P4HB: variants seen among roughly 807,000 people sequenced by gnomAD.
P4HB encodes protein disulfide-isomerase.
In P4HB, 20 loss-of-function variants were observed where a neutral mutation model predicts 52.6. The observed-to-expected ratio is 0.38, with a 90% CI of 0.27 to 0.55. The LOEUF is 0.55. P4HB is among the 20% of genes least tolerant of loss of function. The pLI is 0.74. For missense variants in P4HB, 601 were observed against 669.2 expected, an observed-to-expected ratio of 0.90 and a Z score of 1.12; for synonymous variants, 296 against 277.9, an observed-to-expected ratio of 1.07 and a Z score of -0.65.
chr17:81,845,135 C>T lies in P4HB; in HGVS notation c.1446+9G>A. ...CCAGAGACCAGCCCAGGGCTGTGAC[C>T]CCACTCACGTCATCATCCCCTGCCC... On this transcript the variant is annotated intron_variant, in intron 10 of 10. Coordinates refer to ENST00000331483, the MANE Select transcript of P4HB (RefSeq NM_000918.4). 1.2e-6 allele frequency: 2 copies of T among 1,605,764 alleles called. No homozygotes were observed. Among genetic ancestry groups the T allele is most frequent in the Non-Finnish European group, 1.7e-6 (2 of 1,173,008 alleles).
chr17:81,855,487 TCCA>T lies in P4HB; in HGVS notation c.449_451del (p.Val150del). 1 of 1,613,772 alleles carries T rather than the reference TCCA, an allele frequency of 6.2e-7. No homozygotes were observed. Among genetic ancestry groups the T allele is most frequent in the Non-Finnish European group, 8.5e-7 (1 of 1,179,892 alleles). ...GCCGATGACAGCCACCTCGCTGGAC[TCCA>T]CCAAGGACTCTGCAGCTGCGCCGTC... On this transcript the variant is annotated inframe_deletion, in exon 3 of 11. Transcript: ENST00000331483. This position sits in a 1 kb window ranked among gnomAD's most constrained non-coding sequence, Gnocchi z 4.3.
At chr17:81,854,607 G>A (rs1383838136) in intron 4 of P4HB, among the ~76,000 whole-genome samples, 1 of 151,926 alleles carries the variant, frequency 6.6e-6, no homozygotes, top group Admixed American at 6.6e-5. Context: ...AGCACTTTGG[G>A]AGGCTGAGGT....
chr17:81,860,258 C>A, intron 1 of P4HB, 69 bp downstream of exon 1: 1 of 1,257,576 alleles, frequency 8.0e-7, no homozygotes, highest in East Asian at 3.2e-5. Flanking sequence ...GCTGCCGGGC[C>A]GTGCCTGCGT....
rs201618550 is a variant in P4HB, at chr17:81,843,417, G to A, written c.*595C>T. ...AGGCCCAGGCCTGTGCCGGGCCCCAGGGCTGGCAGCCACCAGCTCCTCTTC... is the reference window on the plus strand; with the variant it reads ...AGGCCCAGGCCTGTGCCGGGCCCCAAGGCTGGCAGCCACCAGCTCCTCTTC... On this transcript the variant is annotated 3_prime_UTR_variant, in exon 11 of 11. Transcript: ENST00000331483. 2.5e-6 allele frequency: 1 copy of A among 400,136 alleles called. No individual in the cohort carries two copies. Among genetic ancestry groups the A allele is most frequent in the East Asian group, 3.6e-5 (1 of 28,060 alleles). The allele number at this position is 400,136 out of a possible 1,614,324, so 24.8% of individuals were successfully genotyped here.
At position 81,860,308 on chromosome 17, in the gene P4HB, C is replaced by A; in HGVS notation, c.145+19G>T. The A allele has an allele frequency of 7.0e-7, 1 of 1,436,258 alleles. No individual in the cohort carries two copies. The highest frequency in any genetic ancestry group is 9.2e-7 in the Non-Finnish European group (1 of 1,091,222). 89.0% of individuals were successfully genotyped at this position (1,436,258 alleles called of 1,614,324 possible). On this transcript the variant is annotated intron_variant, in intron 1 of 10. Transcript: ENST00000331483. ...TCAGCGGCCCCGAGCCCCGCCCGCCCGCCAGGCCCGGCGCTCACAGAACTC... is the reference window on the plus strand; with the variant it reads ...TCAGCGGCCCCGAGCCCCGCCCGCCAGCCAGGCCCGGCGCTCACAGAACTC...
chr17:81,845,067 C>T (rs940979872), intron 10 of P4HB, 77 bp downstream of exon 10: 11 of 1,222,230 alleles, frequency 9.0e-6, no homozygotes, highest in South Asian at 3.8e-5. Context: ...CATCACAAGC[C>T]GAGCCCAAGT....
chr17:81,855,889 A>C lies in P4HB; in HGVS notation c.353-303T>G. ...TCTCTGCATTTTCTTTTTTCTTTTG[A>C]CACAGGGGCTCACTCTGTTACCCAG... On this transcript the variant is annotated intron_variant, in intron 2 of 10. Coordinates refer to ENST00000331483, the MANE Select transcript of P4HB (RefSeq NM_000918.4). This position sits in a 1 kb window ranked among gnomAD's most constrained non-coding sequence, Gnocchi z 4.3. 3.2e-6 allele frequency: 1 copy of C among 310,316 alleles called. No homozygotes were observed. Among genetic ancestry groups the C allele is most frequent in the South Asian group, 6.0e-5 (1 of 16,686 alleles). 19.2% of individuals were successfully genotyped at this position (310,316 alleles called of 1,614,324 possible). A position where few individuals can be genotyped will look rare whatever the true frequency, so the allele number is the denominator to read the frequency against.
At chr17:81,850,667 G>C (rs763983140) in intron 4 of P4HB, among the ~76,000 whole-genome samples, 11 of 149,608 alleles carry the variant, frequency 7.4e-5, no homozygotes, top group Non-Finnish European at 1.3e-4. Flanking sequence ...ATTTTTATTA[G>C]AGATGGGGTT....
In P4HB at chr17:81,843,199, A is replaced by C. The variant is rs1284427644; in HGVS notation, c.*813T>G. ...CAACTTTATTTGGCCAATGTGTTCA[A>C]TTCGATTGTGAAATAGAAATGCCTG... On this transcript the variant is annotated 3_prime_UTR_variant, in exon 11 of 11. Transcript: ENST00000331483. The C allele has an allele frequency of 3.4e-6, 1 of 296,342 alleles. No individual in the cohort carries two copies. The highest frequency in any genetic ancestry group is 2.2e-5 in the African/African-American group (1 of 46,328). 18.4% of individuals were successfully genotyped at this position (296,342 alleles called of 1,614,324 possible).
At chr17:81,849,882 C>G (rs2038801329) in intron 4 of P4HB, among the ~76,000 whole-genome samples, 1 of 152,036 alleles carries the variant, frequency 6.6e-6, no homozygotes, top group Admixed American at 6.6e-5. Context: ...GGCTGGAGTG[C>G]AATGGCATGA....
At chr17:81,856,670 C>T (rs1192667906) in intron 2 of P4HB, among the ~76,000 whole-genome samples, 4 of 133,776 alleles carry the variant, frequency 3.0e-5, no homozygotes, top group East Asian at 2.2e-4. Context: ...TTTTTTGAGA[C>T]GGAATCTACC....
chr17:81,851,032 G>A (rs1018043894), intron 4 of P4HB, among the ~76,000 whole-genome samples: 10 of 151,932 alleles, frequency 6.6e-5, no homozygotes, highest in East Asian at 1.9e-4. Context: ...CTGAGTTCAC[G>A]CCATTCTCCT....
chr17:81,860,196 G>A, intron 1 of P4HB, 131 bp downstream of exon 1: 2 of 739,246 alleles, frequency 2.7e-6, no homozygotes, highest in East Asian at 3.5e-5. Flanking sequence ...CCCAAGGCGG[G>A]CAGCAAGGGA....
rs201171314 is a variant in P4HB, at chr17:81,846,660, G to A, written c.856-31C>T. On this transcript the variant is annotated intron_variant, in intron 6 of 10. Transcript: ENST00000331483. This position sits in a 1 kb window ranked among gnomAD's most constrained non-coding sequence, Gnocchi z 5.7. The stretch of plus-strand genomic sequence containing the variant: ...GGAGAAAAGGAGGTTGCACAGGTGC[G>A]GGAGACGGCTGGCCTCTGCCTCCAG... 1.7e-5 allele frequency: 27 copies of A among 1,597,768 alleles called. No individual in the cohort carries two copies. Among genetic ancestry groups the A allele is most frequent in the South Asian group, 2.2e-5 (2 of 90,692 alleles).
chr17:81,850,787 A>T (rs1287966739), intron 4 of P4HB, among the ~76,000 whole-genome samples: 1 of 151,772 alleles, frequency 6.6e-6, no homozygotes, highest in African/African-American at 2.4e-5. Context: ...CCAGCCAAAA[A>T]AATTTATTTT....
In P4HB at chr17:81,843,961, G is replaced by C. The variant is rs779201521; in HGVS notation, c.*51C>G. On this transcript the variant is annotated 3_prime_UTR_variant, in exon 11 of 11. Transcript: ENST00000331483. The stretch of plus-strand genomic sequence containing the variant: ...GCTTCGGAGGCGTGCGCTGCTGCTG[G>C]GTGTGCAGCCCCCGAGGGGTCTCGG... 7.6e-7 allele frequency: 1 copy of C among 1,316,726 alleles called. No homozygotes were observed. Among genetic ancestry groups the C allele is most frequent in the African/African-American group, 1.4e-5 (1 of 69,016 alleles). 81.6% of individuals were successfully genotyped at this position (1,316,726 alleles called of 1,614,324 possible).
chr17:81,852,866 G>T (rs974786318), intron 4 of P4HB, among the ~76,000 whole-genome samples: 5 of 152,354 alleles, frequency 3.3e-5, no homozygotes, highest in African/African-American at 1.2e-4. Context: ...GACAACACAG[G>T]GTTCGCGAGT....
Position 81,845,503 on chromosome 17 carries a change from G to A in P4HB, c.1359+58C>T, listed in dbSNP as rs570211449. Reference sequence around the variant, plus strand: ...CTTCCAGAGAGGCACCCAGGCTGGCGTGGGGACCACTGCTCTTCCCAGAGC... The same window carrying A: ...CTTCCAGAGAGGCACCCAGGCTGGCATGGGGACCACTGCTCTTCCCAGAGC... On this transcript the variant is annotated intron_variant, in intron 9 of 10. Transcript: ENST00000331483. 17 of 1,481,906 alleles carry A rather than the reference G, an allele frequency of 1.1e-5. 1 individual carries two copies. In the South Asian group the frequency reaches 1.3e-4, roughly 11 times the overall value. 91.8% of individuals were successfully genotyped at this position (1,481,906 alleles called of 1,614,324 possible).
At position 81,855,259 on chromosome 17, in the gene P4HB, G is replaced by C. The variant is rs1253457659; in HGVS notation, c.507C>G (p.Ala169=). The change falls in exon 4 of 11, where the codon GCC becomes GCG. Residue 169 remains alanine (A), a synonymous_variant. Transcript: ENST00000331483. The surrounding 1 kb of genome is among the most constrained non-coding windows in gnomAD (Gnocchi z 4.3). ...CCTCTGCTGCCTGCAAAAACTGCTTGGCAGAGTCCGACTCCACGTCCTGAA... is the reference window on the plus strand; with the variant it reads ...CCTCTGCTGCCTGCAAAAACTGCTTCGCAGAGTCCGACTCCACGTCCTGAA... ...GFFKDVESDS[A]KQFLQAAEAI... is the part of the protein sequence containing the mutation. The C allele has an allele frequency of 4.3e-6, 7 of 1,613,778 alleles. No individual in the cohort carries two copies. The highest frequency in any genetic ancestry group is 8.5e-7 in the Non-Finnish European group (1 of 1,179,984).
Sources: gnomAD v4.1 joint callset for allele counts (sites outside exome capture counted in the v4.1 genomes callset) on GRCh38, gnomAD v4.1.1 for gene constraint, Gnocchi (gnomAD v3.1) non-coding constraint, MANE v1.5 for transcripts, NCBI Gene and HGNC (gene_info 2026-07-23, HGNC 2026-07-21) for gene names.